The following SLC39A8 variants were observed in gnomAD, a reference collection of about 807,000 sequenced individuals.
SLC39A8 encodes the protein solute carrier family 39 member 8.
SLC39A8 carries 15 observed loss-of-function variants against 40.4 expected under a neutral mutation model. That is an observed-to-expected ratio of 0.37 (90% CI 0.25 to 0.57). SLC39A8 has a LOEUF of 0.57. Among genes scored for constraint, SLC39A8 ranks in the 20% least tolerant of loss-of-function variants. The probability of loss-of-function intolerance (pLI) is 0.75; values close to 1 mark genes in which losing one functional copy is unlikely to be tolerated. For missense variants in SLC39A8, 472 were observed against 558.8 expected (o/e 0.84, Z 1.57); for synonymous variants, 223 against 221.6 (o/e 1.01, Z -0.06).
At chr4:102,300,111 C>G (rs1733853087) in intron 6 of SLC39A8, among the ~76,000 whole-genome samples, 2 of 151,966 alleles carry the variant, frequency 1.3e-5, no homozygotes, top group African/African-American at 2.4e-5. Context: ...CCCTCTGTGA[C>G]CCCCACTTTT....
At chr4:102,304,155 A>G (rs1057505237) in intron 6 of SLC39A8, among the ~76,000 whole-genome samples, 162 bp downstream of exon 6, 7 of 151,862 alleles carry the variant, frequency 4.6e-5, no homozygotes, top group Non-Finnish European at 8.8e-5. Flanking sequence ...TATACAGGGA[A>G]GGTGGAAAAA....
chr4:102,268,004 T>A lies in SLC39A8; in HGVS notation c.916A>T (p.Met306Leu). The A allele has an allele frequency of 6.2e-7, 1 of 1,614,202 alleles. No homozygotes were observed. The highest frequency in any genetic ancestry group is 8.5e-7 in the Non-Finnish European group (1 of 1,180,042). Residue 306 changes from methionine (M) to leucine (L), a missense_variant, in exon 7 of 9, where the codon ATG becomes TTG. Met to Leu is a conservative substitution (Grantham distance 15). This residue lies in a region of SLC39A8 where 239 missense variants were observed against 317.9 expected (regional missense o/e 0.75). Coordinates refer to ENST00000356736, the MANE Select transcript of SLC39A8 (RefSeq NM_001135146.2). The part of the protein sequence containing the change: ...KLSEIGTIAW[M>L]ITLCDALHNF... ...TGGAGGGCATCGCAGAGCGTTATCATCCAGGCAATCGTCCCTATTTCTGAC... is the reference window on the plus strand; with the variant it reads ...TGGAGGGCATCGCAGAGCGTTATCAACCAGGCAATCGTCCCTATTTCTGAC...
exon 12 of SLC39A8, chr4:102,251,419 GCC>G (rs1731582914): frequency 6.6e-6 from 1 of 152,158 alleles, no homozygotes; most frequent in African/African-American, 2.4e-5. Context: ...CCACTTCAAA[GCC>G]TGGGAAATCA....
chr4:102,339,952 G>C (rs978380251), intron 2 of SLC39A8, among the ~76,000 whole-genome samples: 1 of 152,190 alleles, frequency 6.6e-6, no homozygotes, highest in African/African-American at 2.4e-5. Flanking sequence ...ATATCCCACT[G>C]CTCAAGGTCA....
intron 2 of SLC39A8, among the ~76,000 whole-genome samples, chr4:102,331,886 G>A (rs1735482968): frequency 6.6e-6 from 1 of 152,138 alleles, no homozygotes; most frequent in Non-Finnish European, 1.5e-5. Context: ...TCTGATCTTT[G>A]ACAAACCTCA....
At chr4:102,323,565 A>G (rs1254041022) in intron 2 of SLC39A8, among the ~76,000 whole-genome samples, 1 of 152,224 alleles carries the variant, frequency 6.6e-6, no homozygotes, top group East Asian at 1.9e-4. Context: ...TATAAGCAAT[A>G]GTTATCATAA....
In SLC39A8 at chr4:102,268,280, C is replaced by T. The variant is rs10489124; in HGVS notation, c.841-201G>A. Among the ~76,000 whole-genome samples the T allele has an allele frequency of 0.021, 3,249 of 152,242 alleles. 47 individuals are homozygous for T. The highest frequency in any genetic ancestry group is 0.063 in the East Asian group (324 of 5,180). ...AAAGGAAATTCATCAACTGACACACCTCGAATAAGCCACTAACAGATATTT... is the reference window on the plus strand; with the variant it reads ...AAAGGAAATTCATCAACTGACACACTTCGAATAAGCCACTAACAGATATTT... On this transcript the variant is annotated intron_variant, in intron 6 of 8. Coordinates refer to ENST00000356736, the MANE Select transcript of SLC39A8 (RefSeq NM_001135146.2).
chr4:102,325,486 A>C (rs1735156602), intron 2 of SLC39A8, among the ~76,000 whole-genome samples: 1 of 152,182 alleles, frequency 6.6e-6, no homozygotes, highest in African/African-American at 2.4e-5. Flanking sequence ...TTTGAAGGGA[A>C]GATGAAGAAC....
At chr4:102,335,490 T>C (rs1347572495) in intron 2 of SLC39A8, among the ~76,000 whole-genome samples, 2 of 152,326 alleles carry the variant, frequency 1.3e-5, no homozygotes, top group East Asian at 1.9e-4. Flanking sequence ...AAAACCCATA[T>C]AGAGGTCCAT....
intron 5 of SLC39A8, 142 bp from the exon 6 acceptor site, chr4:102,304,623 T>A (rs939171451): frequency 2.1e-5 from 14 of 666,768 alleles, no homozygotes; most frequent in Non-Finnish European, 1.7e-5. Flanking sequence ...TTTAGATATA[T>A]AAAATTTCTC....
Position 102,334,803 on chromosome 4 carries a change from G to A in SLC39A8, c.219+9641C>T, listed in dbSNP as rs141213855. ...CACCCTGGAATGGAATATGTGCTCTGCCAATATGAGTCATCTGATTTAAAG... is the reference window on the plus strand; with the variant it reads ...CACCCTGGAATGGAATATGTGCTCTACCAATATGAGTCATCTGATTTAAAG... On this transcript the variant is annotated intron_variant, in intron 2 of 8. Transcript: ENST00000356736. Among the ~76,000 whole-genome samples, 714 of 152,282 alleles carry A rather than the reference G, an allele frequency of 4.7e-3. 2 individuals carry two copies. Among genetic ancestry groups the A allele is most frequent in the Non-Finnish European group, 7.8e-3 (533 of 68,012 alleles).
rs117300386 is a variant in SLC39A8 at position 102,284,780 on chromosome 4, A to T, written c.841-16701T>A. Among the ~76,000 whole-genome samples the T allele has an allele frequency of 1.8e-3, 277 of 152,310 alleles. 5 individuals are homozygous for T. In the East Asian group the frequency reaches 0.047, roughly 26 times the overall value. ...GTTTGTCCAGAAAAGAATGTTTGAG[A>T]TTCTACTTTCTAAATGGAAATAATC... On this transcript the variant is annotated intron_variant, in intron 6 of 8. Coordinates refer to ENST00000356736, the MANE Select transcript of SLC39A8 (RefSeq NM_001135146.2).
At chr4:102,337,769 G>A (rs1735739255) in intron 2 of SLC39A8, among the ~76,000 whole-genome samples, 1 of 152,164 alleles carries the variant, frequency 6.6e-6, no homozygotes, top group Admixed American at 6.5e-5. Flanking sequence ...GAAATGAACT[G>A]AAAGGTTTCA....
At chr4:102,316,425 G>A (rs1325829868) in intron 2 of SLC39A8, among the ~76,000 whole-genome samples, 1 of 152,060 alleles carries the variant, frequency 6.6e-6, no homozygotes, top group Non-Finnish European at 1.5e-5. Flanking sequence ...TCTATATTAA[G>A]TTTTGAAAAT....
Position 102,262,136 on chromosome 4 carries a change from T to C in SLC39A8, c.*908A>G, listed in dbSNP as rs1731892424. 3.0e-6 allele frequency: 3 copies of C among 985,752 alleles called. No individual in the cohort carries two copies. In the African/African-American group the frequency reaches 5.2e-5, roughly 17 times the overall value. 61.1% of individuals were successfully genotyped at this position (985,752 alleles called of 1,614,324 possible). On this transcript the variant is annotated 3_prime_UTR_variant, in exon 9 of 9. Transcript: ENST00000356736. ...AGCAGTCCAGCTGTTGTTTTGCATT[T>C]ATTAAAATATTCTCTGCTAAATAGT...
At chr4:102,291,507 T>C (rs1161282057) in intron 6 of SLC39A8, among the ~76,000 whole-genome samples, 3 of 152,054 alleles carry the variant, frequency 2.0e-5, no homozygotes, top group Admixed American at 6.6e-5. Flanking sequence ...CTATGGAAGA[T>C]GATCTATTAT....
chr4:102,323,471 G>A (rs1347080891), intron 2 of SLC39A8, among the ~76,000 whole-genome samples: 9 of 152,170 alleles, frequency 5.9e-5, no homozygotes, highest in African/African-American at 2.2e-4. Context: ...TCTGATTCTT[G>A]GGGAAATAAG....
chr4:102,310,300 T>A (rs1578601072), intron 3 of SLC39A8, among the ~76,000 whole-genome samples: 1 of 152,080 alleles, frequency 6.6e-6, no homozygotes, highest in Non-Finnish European at 1.5e-5. Context: ...CTGGTCAGGA[T>A]TCCCATTACT....
chr4:102,333,962 T>C (rs1735569998), intron 2 of SLC39A8, among the ~76,000 whole-genome samples: 1 of 152,094 alleles, frequency 6.6e-6, no homozygotes, highest in African/African-American at 2.4e-5. Context: ...GTGTTTCAGG[T>C]AGGATGTAAT....
Sources: allele counts gnomAD v4.1 joint callset (sites outside exome capture counted in the v4.1 genomes callset), GRCh38; gene constraint gnomAD v4.1.1; regional missense constraint gnomAD v4.1.1; transcripts MANE v1.5; gene names NCBI Gene and HGNC (gene_info 2026-07-23, HGNC 2026-07-21).